The following TC2N variants were observed in gnomAD, a reference collection of about 807,000 sequenced individuals.
TC2N encodes the protein tandem C2 domains nuclear protein.
In TC2N, 51 loss-of-function variants were observed where a neutral mutation model predicts 61.9. The observed-to-expected ratio is 0.82, with a 90% CI of 0.66 to 1.04. The LOEUF is 1.04. Ranked by LOEUF, TC2N falls within the 50% of genes least tolerant of loss-of-function variation. The pLI, the probability that TC2N is intolerant of heterozygous loss-of-function variation, is 0.00. For synonymous variants in TC2N, 204 were observed against 192.6 expected (o/e 1.06, Z -0.49); for missense variants, 556 against 566.7 (o/e 0.98, Z 0.19).
At chr14:91,854,031 A>C (rs1302891555) in intron 1 of TC2N, among the ~76,000 whole-genome samples, 3 of 152,218 alleles carry the variant, frequency 2.0e-5, no homozygotes, top group Non-Finnish European at 4.4e-5. Flanking sequence ...ACTTAAATTT[A>C]AAAATAGGTT....
At position 91,813,825 on chromosome 14, in the gene TC2N, T is replaced by C; in HGVS notation, c.-56A>G. On this transcript the variant is annotated splice_region_variant and 5_prime_UTR_variant, in exon 2 of 12. Coordinates refer to ENST00000435962, the MANE Select transcript of TC2N (RefSeq NM_001128596.3). ...CACAAACTTCCAATCTTAATATTAA[T>C]CTGTTGGTAGAATAGAAAACAAGTT... is the stretch of plus-strand genomic sequence containing the variant. 1.6e-6 allele frequency: 2 copies of C among 1,249,198 alleles called. No individual in the cohort carries two copies. The highest frequency in any genetic ancestry group is 1.5e-5 in the African/African-American group (1 of 67,936). The allele number at this position is 1,249,198 out of a possible 1,614,324, so 77.4% of individuals were successfully genotyped here. A position where few individuals can be genotyped will look rare whatever the true frequency, so the allele number is the denominator to read the frequency against.
intron 3 of TC2N, among the ~76,000 whole-genome samples, chr14:91,806,544 C>A (rs1831015077): frequency 6.6e-6 from 1 of 152,234 alleles, no homozygotes; most frequent in African/African-American, 2.4e-5. Context: ...TATGTTTTAG[C>A]AAAGACACTG....
At chr14:91,852,567 T>C (rs893262130) in intron 1 of TC2N, among the ~76,000 whole-genome samples, 1 of 152,228 alleles carries the variant, frequency 6.6e-6, no homozygotes, top group African/African-American at 2.4e-5. Flanking sequence ...CCCCCACCAA[T>C]AGATCACTAA....
intron 1 of TC2N, among the ~76,000 whole-genome samples, chr14:91,860,805 A>G (rs561823697): frequency 4.8e-4 from 73 of 152,200 alleles, no homozygotes; most frequent in Non-Finnish European, 9.8e-4. Context: ...GGTCTGAATC[A>G]AGGCTACTGT....
chr14:91,855,024 G>T (rs1190426595), intron 1 of TC2N, among the ~76,000 whole-genome samples: 1 of 152,206 alleles, frequency 6.6e-6, no homozygotes, highest in Non-Finnish European at 1.5e-5. Flanking sequence ...TTTGGGAGCT[G>T]GAGTTCTGCA....
chr14:91,819,628 A>G lies in TC2N; in HGVS notation c.-56-5803T>C, dbSNP rs751724109. Reference sequence around the variant, plus strand: ...TCTACACAAAGGAATAAAGTGCACCATAAGTATAAATACATGATTTATTAT... The same window carrying G: ...TCTACACAAAGGAATAAAGTGCACCGTAAGTATAAATACATGATTTATTAT... On this transcript the variant is annotated intron_variant, in intron 1 of 11. Transcript: ENST00000435962. 6.6e-5 allele frequency among the ~76,000 whole-genome samples: 10 copies of G among 152,228 alleles called. 1 individual carries two copies. The highest frequency in any genetic ancestry group is 4.1e-4 in the South Asian group (2 of 4,836).
At chr14:91,818,638 T>C (rs1020999461) in intron 1 of TC2N, among the ~76,000 whole-genome samples, 2 of 152,110 alleles carry the variant, frequency 1.3e-5, no homozygotes, top group Non-Finnish European at 2.9e-5. Context: ...AAAATAGTTA[T>C]AGCTGGACTC....
intron 1 of TC2N, among the ~76,000 whole-genome samples, chr14:91,840,766 G>A (rs1888148899): frequency 6.6e-6 from 1 of 152,160 alleles, no homozygotes; most frequent in South Asian, 2.1e-4. Context: ...GGAACTATTT[G>A]TAGTGAGAAG....
Position 91,783,153 on chromosome 14 carries a change from CTG to C in TC2N, c.1418_1419del (p.Thr473SerfsTer33), listed in dbSNP as rs768466887. The C allele has an allele frequency of 6.2e-7, 1 of 1,612,026 alleles. No individual in the cohort carries two copies. Among genetic ancestry groups the C allele is most frequent in the South Asian group, 1.1e-5 (1 of 90,932 alleles). ...ATAACAACCTTTTCTGGATTTATTA[CTG>C]TCTCTTTCCACTGGTTCACTGCTTC... ...NIEAVNQWKETVINPEKVVIR... is the reference protein window; with the variant it reads ...NIEAVNQWKEXVINPEKVVIR... On this transcript the variant is annotated frameshift_variant, in exon 12 of 12. Transcript: ENST00000435962. LOFTEE classifies it high-confidence loss of function.
At chr14:91,793,538 C>T (rs1885758414) in intron 8 of TC2N, among the ~76,000 whole-genome samples, 1 of 152,168 alleles carries the variant, frequency 6.6e-6, no homozygotes, top group Admixed American at 6.5e-5. Context: ...ATGTCTCTGT[C>T]ACATTTTGGT....
intron 1 of TC2N, among the ~76,000 whole-genome samples, chr14:91,834,971 C>T (rs950170472): frequency 2.0e-5 from 3 of 152,168 alleles, no homozygotes; most frequent in Non-Finnish European, 4.4e-5. Flanking sequence ...TTCAGAAAAC[C>T]TGATACCAAT....
intron 1 of TC2N, among the ~76,000 whole-genome samples, chr14:91,840,286 T>A (rs1462058988): frequency 6.6e-6 from 1 of 152,208 alleles, no homozygotes. Flanking sequence ...TTACTTACTC[T>A]GATAGGCACT....
chr14:91,866,255 C>A (rs1054196543), intron 1 of TC2N: 10 of 152,242 alleles, frequency 6.6e-5, no homozygotes, highest in African/African-American at 2.4e-4. Context: ...AATAATCAGA[C>A]CTACTTAAAT....
chr14:91,832,888 T>A (rs1452549896), intron 1 of TC2N, among the ~76,000 whole-genome samples: 1 of 152,162 alleles, frequency 6.6e-6, no homozygotes, highest in East Asian at 1.9e-4. Flanking sequence ...ACAATGAAAT[T>A]ATGCGCGGCA....
intron 1 of TC2N, among the ~76,000 whole-genome samples, chr14:91,818,267 A>G (rs538346373): frequency 1.3e-5 from 2 of 152,270 alleles, no homozygotes; most frequent in South Asian, 4.1e-4. Flanking sequence ...CAGAGTACTG[A>G]TCAGCACACA....
At chr14:91,828,516 C>G (rs1219167638) in intron 1 of TC2N, among the ~76,000 whole-genome samples, 1 of 151,948 alleles carries the variant, frequency 6.6e-6, no homozygotes, top group Non-Finnish European at 1.5e-5. Context: ...TACCATCACA[C>G]TTTCAGAAAA....
chr14:91,849,181 A>G (rs1482489618), intron 1 of TC2N, among the ~76,000 whole-genome samples: 3 of 152,228 alleles, frequency 2.0e-5, no homozygotes, highest in African/African-American at 7.2e-5. Flanking sequence ...CTCTTCCTCC[A>G]TTCCAAAGTT....
chr14:91,805,535 C>T (rs764448576), intron 3 of TC2N, among the ~76,000 whole-genome samples: 10 of 152,098 alleles, frequency 6.6e-5, no homozygotes, highest in Admixed American at 1.3e-4. Context: ...TGTGGTGGCC[C>T]GCGCCTGTAG....
At chr14:91,809,767 G>T (rs1169766257) in intron 3 of TC2N, among the ~76,000 whole-genome samples, 1 of 152,142 alleles carries the variant, frequency 6.6e-6, no homozygotes, top group Non-Finnish European at 1.5e-5. Flanking sequence ...GGGAATCCTG[G>T]AAAGGAGAGA....
Sources: gnomAD v4.1 joint callset for allele counts (sites outside exome capture counted in the v4.1 genomes callset) on GRCh38, gnomAD v4.1.1 for gene constraint, MANE v1.5 for transcripts, NCBI Gene and HGNC (gene_info 2026-07-23, HGNC 2026-07-21) for gene names.